The following SMCHD1 variants were observed in gnomAD, a reference collection of about 807,000 sequenced individuals.
The protein encoded by SMCHD1 is structural maintenance of chromosomes flexible hinge domain-containing protein 1.
Under a neutral mutation model 254.7 loss-of-function variants are expected in SMCHD1, and 78 were observed. That is an observed-to-expected ratio of 0.31 (90% CI 0.26 to 0.37). SMCHD1 has a LOEUF of 0.37. Ranked by LOEUF, SMCHD1 falls within the 10% of genes least tolerant of loss-of-function variation. SMCHD1 has a pLI of 1.00. For synonymous variants in SMCHD1, 766 were observed against 794.9 expected (o/e 0.96, Z 0.61); for missense variants, 1,840 against 2,408.1 (o/e 0.76, Z 4.94).
chr18:2,785,013 A>C, intron 45 of SMCHD1: 1 of 322,848 alleles, frequency 3.1e-6, no homozygotes, highest in South Asian at 2.5e-5. Flanking sequence ...CATAATCATA[A>C]TACTTATTTC....
intron 30 of SMCHD1, among the ~76,000 whole-genome samples, chr18:2,748,390 A>ATTTTT (rs67175512): frequency 0.12 from 11,271 of 92,554 alleles, 2,303 homozygotes; most frequent in South Asian, 0.2. Context: ...GTGTATATAA[A>ATTTTT]TTTTTTTTTT....
chr18:2,713,947 C>T (rs964931522), intron 17 of SMCHD1, among the ~76,000 whole-genome samples: 3 of 152,152 alleles, frequency 2.0e-5, no homozygotes, highest in Non-Finnish European at 2.9e-5. Flanking sequence ...GTATATTCCG[C>T]AGAATAATGT....
intron 25 of SMCHD1, among the ~76,000 whole-genome samples, chr18:2,732,758 C>T (rs775047160): frequency 1.3e-5 from 2 of 152,150 alleles, no homozygotes; most frequent in Non-Finnish European, 2.9e-5. Context: ...TTGTGCTCTT[C>T]CTGACTAGCT....
At chr18:2,746,765 C>G (rs989534990) in intron 29 of SMCHD1, among the ~76,000 whole-genome samples, 6 of 152,074 alleles carry the variant, frequency 3.9e-5, no homozygotes, top group Non-Finnish European at 8.8e-5. Context: ...TCCTTTAGTT[C>G]CCTTCCATCT....
intron 1 of SMCHD1, among the ~76,000 whole-genome samples, chr18:2,665,135 A>G (rs184207117): frequency 4.9e-4 from 75 of 152,320 alleles, no homozygotes; most frequent in Non-Finnish European, 5.7e-4. Context: ...CAGAGCATGT[A>G]TGTTTTAATT....
intron 44 of SMCHD1, among the ~76,000 whole-genome samples, chr18:2,783,519 G>A (rs1044806510): frequency 6.6e-6 from 1 of 151,558 alleles, no homozygotes; most frequent in African/African-American, 2.4e-5. Context: ...CATTCTTCTA[G>A]ATTATGACGT....
intron 3 of SMCHD1, among the ~76,000 whole-genome samples, chr18:2,670,850 G>A (rs1469708857): frequency 2.0e-5 from 3 of 147,522 alleles, no homozygotes; most frequent in Non-Finnish European, 1.5e-5. Flanking sequence ...GTAGTGAGCT[G>A]AGATCATGCC....
intron 5 of SMCHD1, among the ~76,000 whole-genome samples, chr18:2,682,499 T>G (rs965754578): frequency 6.6e-6 from 1 of 152,082 alleles, no homozygotes; most frequent in Admixed American, 6.6e-5. Context: ...ATTTTGTACT[T>G]TTAGTAGAGG....
intron 12 of SMCHD1, chr18:2,702,126 T>TA (rs1190514048): frequency 6.6e-6 from 1 of 152,072 alleles, no homozygotes; most frequent in Non-Finnish European, 1.5e-5. Flanking sequence ...ATTCCTTTGT[T>TA]ACACTGTACT....
chr18:2,675,299 C>G (rs146301232), intron 5 of SMCHD1, among the ~76,000 whole-genome samples: 484 of 139,306 alleles, frequency 3.5e-3, no homozygotes, highest in African/African-American at 0.013. Context: ...GAGTCTCGCT[C>G]TGTCATCCAG....
chr18:2,764,380 ATCTTT>A (rs1424059820), intron 37 of SMCHD1, among the ~76,000 whole-genome samples: 1 of 152,138 alleles, frequency 6.6e-6, no homozygotes. Flanking sequence ...CTTTATAAAA[ATCTTT>A]TCTTGTTCAA....
At chr18:2,729,438 T>C in intron 24 of SMCHD1, 29 bp downstream of exon 24, 2 of 1,452,066 alleles carry the variant, frequency 1.4e-6, no homozygotes, top group African/African-American at 1.4e-5. Flanking sequence ...TCATTGATAT[T>C]ATATTGAGTC....
In SMCHD1 at chr18:2,748,550, A is replaced by G. The variant is rs553203034; in HGVS notation, c.3927+903A>G. On this transcript the variant is annotated intron_variant, in intron 30 of 47. Coordinates refer to ENST00000320876, the MANE Select transcript of SMCHD1 (RefSeq NM_015295.3). ...GTTGGGATTACAGGCATGTGCCATC[A>G]TGCCCAGCTAATTTTTGTATTTTTA... Among the ~76,000 whole-genome samples the G allele has an allele frequency of 5.3e-5, 8 of 151,796 alleles. No homozygotes were observed. In the South Asian group the frequency reaches 1.7e-3, roughly 32 times the overall value.
chr18:2,787,248 AATTCACTC>A (rs1479186080), intron 45 of SMCHD1, among the ~76,000 whole-genome samples: 1 of 152,108 alleles, frequency 6.6e-6, no homozygotes, highest in Non-Finnish European at 1.5e-5. Context: ...ACAGAGCAAG[AATTCACTC>A]ACTCCCAAGG....
intron 28 of SMCHD1, among the ~76,000 whole-genome samples, chr18:2,742,573 G>C (rs561109316): frequency 6.6e-6 from 1 of 152,262 alleles, no homozygotes; most frequent in South Asian, 2.1e-4. Flanking sequence ...GCTTTTCGGA[G>C]AGATTAATTT....
chr18:2,699,860 G>A (rs2074363990), intron 10 of SMCHD1, among the ~76,000 whole-genome samples: 1 of 152,150 alleles, frequency 6.6e-6, no homozygotes, highest in African/African-American at 2.4e-5. Context: ...TGTTTTAGGT[G>A]GGTAAACTAA....
At chr18:2,787,265 G>A (rs543845609) in intron 45 of SMCHD1, among the ~76,000 whole-genome samples, 1 of 152,230 alleles carries the variant, frequency 6.6e-6, no homozygotes, top group East Asian at 1.9e-4. Context: ...TCACTCCCAA[G>A]GGATGGCACT....
At chr18:2,765,681 C>CA (rs2075854199) in intron 37 of SMCHD1, among the ~76,000 whole-genome samples, 1 of 152,222 alleles carries the variant, frequency 6.6e-6, no homozygotes, top group Non-Finnish European at 1.5e-5. Flanking sequence ...ACAGTGACTG[C>CA]TCCTGTCAGT....
chr18:2,730,225 C>T (rs1375004339), intron 24 of SMCHD1, among the ~76,000 whole-genome samples: 1 of 152,084 alleles, frequency 6.6e-6, no homozygotes, highest in Admixed American at 6.6e-5. Flanking sequence ...GGCTGGAGTA[C>T]AGTGGCACGA....
Sources: allele counts gnomAD v4.1 joint callset (sites outside exome capture counted in the v4.1 genomes callset), GRCh38; gene constraint gnomAD v4.1.1; transcripts MANE v1.5; gene names NCBI Gene and HGNC (gene_info 2026-07-23, HGNC 2026-07-21).